SPACA7: variants seen among roughly 807,000 people sequenced by gnomAD.
SPACA7 encodes the protein sperm acrosome associated 7, also known as sperm acrosome-associated protein 7.
SPACA7 carries 19 observed loss-of-function variants against 26.3 expected under a neutral mutation model. The observed-to-expected ratio is 0.72, with a 90% CI of 0.50 to 1.06. The LOEUF (loss-of-function observed/expected upper bound fraction) is 1.06. Among genes scored for constraint, SPACA7 ranks in the 50% least tolerant of loss-of-function variants. The pLI is 0.00. For synonymous variants in SPACA7, 84 were observed against 84.5 expected, an observed-to-expected ratio of 0.99 and a Z score of 0.04; for missense variants, 211 against 229.9, an observed-to-expected ratio of 0.92 and a Z score of 0.53.
chr13:112,376,476 C>A lies in SPACA7; in HGVS notation c.91C>A (p.Pro31Thr), dbSNP rs373943042. The change falls in exon 1 of 7, where the codon CCA becomes ACA. Residue 31 changes from proline (P) to threonine (T), a missense_variant. Coordinates refer to ENST00000283550, the MANE Select transcript of SPACA7 (RefSeq NM_145248.5). ...ETELRPRTVIPGSPTEIPFSS... is the reference protein window; with the variant it reads ...ETELRPRTVITGSPTEIPFSS... ...TGAGCTCCGGCCGAGAACCGTGATT[C>A]CAGGTAGGGCCCCACAGGGATGTCT... is the stretch of plus-strand genomic sequence containing the variant. 2 of 1,612,298 alleles carry A rather than the reference C, an allele frequency of 1.2e-6. No homozygotes were observed. The highest frequency in any genetic ancestry group is 4.5e-5 in the East Asian group (2 of 44,778).
At chr13:112,384,116 G>GT (rs1227127077) in intron 1 of SPACA7, among the ~76,000 whole-genome samples, 36 of 152,172 alleles carry the variant, frequency 2.4e-4, no homozygotes, top group Admixed American at 1.8e-3. Context: ...TAAAGTTTGG[G>GT]TTTTTTCTTT....
intron 5 of SPACA7, among the ~76,000 whole-genome samples, chr13:112,416,200 A>G (rs1196427766): frequency 6.6e-6 from 1 of 151,920 alleles, no homozygotes; most frequent in Non-Finnish European, 1.5e-5. Context: ...TAGTTGTTCA[A>G]TTTTATGTTC....
chr13:112,383,555 A>T (rs1884344483), intron 1 of SPACA7, among the ~76,000 whole-genome samples: 3 of 152,200 alleles, frequency 2.0e-5, no homozygotes, highest in Non-Finnish European at 4.4e-5. Flanking sequence ...TTTAGATAAG[A>T]CTTTTTAAAA....
chr13:112,427,783 C>G (rs1876675467), intron 5 of SPACA7, among the ~76,000 whole-genome samples: 1 of 152,028 alleles, frequency 6.6e-6, no homozygotes, highest in South Asian at 2.1e-4. Flanking sequence ...TAATTTGGGT[C>G]CTTATGGGAA....
intron 2 of SPACA7, among the ~76,000 whole-genome samples, chr13:112,394,347 G>A (rs1458260674): frequency 6.6e-6 from 1 of 151,764 alleles, no homozygotes; most frequent in Non-Finnish European, 1.5e-5. Context: ...CCTGTGGAGT[G>A]GGGTCGGGGT....
In SPACA7 at chr13:112,434,604, A is replaced by G; in HGVS notation, c.*55A>G. On this transcript the variant is annotated 3_prime_UTR_variant, in exon 7 of 7. Coordinates refer to ENST00000283550, the MANE Select transcript of SPACA7 (RefSeq NM_145248.5). ...GAGGAGCCTGCTAGAACCCCCACCC[A>G]CCAGCCTCCGGAACAGGGCACTTGT... is the stretch of plus-strand genomic sequence containing the variant. The G allele has an allele frequency of 7.0e-7, 1 of 1,436,672 alleles. No individual in the cohort carries two copies. The highest frequency in any genetic ancestry group is 9.6e-7 in the Non-Finnish European group (1 of 1,041,046). The allele number at this position is 1,436,672 out of a possible 1,614,324, so 89.0% of individuals were successfully genotyped here.
At chr13:112,398,928 C>T (rs9549513) in intron 3 of SPACA7, 138 bp from the exon 4 acceptor site, 209,595 of 640,078 alleles carry the variant, frequency 0.33, 37,963 homozygotes, top group Non-Finnish European at 0.39. Flanking sequence ...CACTTACCAA[C>T]GCACATTTCC....
At chr13:112,395,004 G>A (rs1251423219) in intron 2 of SPACA7, among the ~76,000 whole-genome samples, 6 of 152,322 alleles carry the variant, frequency 3.9e-5, no homozygotes, top group Admixed American at 2.6e-4. Context: ...GGAGGTCAGC[G>A]AAGCCCACCC....
chr13:112,406,909 T>C (rs917551441), intron 5 of SPACA7, among the ~76,000 whole-genome samples: 4 of 151,900 alleles, frequency 2.6e-5, no homozygotes, highest in African/African-American at 9.7e-5. Context: ...ATCAACAGAA[T>C]ATACATTCTT....
chr13:112,409,775 A>G (rs1432970615), intron 5 of SPACA7, among the ~76,000 whole-genome samples: 2 of 152,242 alleles, frequency 1.3e-5, no homozygotes, highest in Admixed American at 1.3e-4. Context: ...TTGGGACTGT[A>G]AACTAGTTCA....
chr13:112,432,599 C>G, intron 6 of SPACA7, 78 bp downstream of exon 6: 4 of 1,150,450 alleles, frequency 3.5e-6, no homozygotes, highest in Non-Finnish European at 5.2e-6. Flanking sequence ...TGTCTCCGAG[C>G]AGCTCCAGGG....
intron 1 of SPACA7, among the ~76,000 whole-genome samples, chr13:112,380,878 G>A (rs994579093): frequency 3.3e-5 from 5 of 152,170 alleles, no homozygotes; most frequent in Non-Finnish European, 7.3e-5. Context: ...GAGAAAACTA[G>A]GAGTAGACAG....
chr13:112,401,646 C>G (rs1885650348), intron 5 of SPACA7, among the ~76,000 whole-genome samples: 1 of 152,158 alleles, frequency 6.6e-6, no homozygotes, highest in African/African-American at 2.4e-5. Context: ...TAGCTTTTGA[C>G]TTTCTGAGTT....
intron 6 of SPACA7, 76 bp downstream of exon 6, chr13:112,432,597 A>G (rs1877269646): frequency 8.6e-7 from 1 of 1,166,822 alleles, no homozygotes; most frequent in Non-Finnish European, 1.3e-6. Flanking sequence ...TGTGTCTCCG[A>G]GCAGCTCCAG....
At chr13:112,431,957 G>C (rs1402873378) in intron 5 of SPACA7, among the ~76,000 whole-genome samples, 1 of 152,160 alleles carries the variant, frequency 6.6e-6, no homozygotes, top group Non-Finnish European at 1.5e-5. Flanking sequence ...GAGCAGCGGG[G>C]ACCACACAGC....
At chr13:112,381,681 G>A (rs1031885794) in intron 1 of SPACA7, among the ~76,000 whole-genome samples, 16 of 152,246 alleles carry the variant, frequency 1.1e-4, no homozygotes, top group African/African-American at 3.9e-4. Flanking sequence ...CAGGCATTCG[G>A]GAAACAGAGT....
intron 5 of SPACA7, among the ~76,000 whole-genome samples, chr13:112,412,641 G>C (rs1209198858): frequency 1.3e-5 from 2 of 152,062 alleles, no homozygotes; most frequent in East Asian, 1.9e-4. Flanking sequence ...ATATGGGTGA[G>C]AGATAGGGGT....
chr13:112,400,225 A>C (rs1885548033), intron 4 of SPACA7, among the ~76,000 whole-genome samples: 1 of 152,252 alleles, frequency 6.6e-6, no homozygotes, highest in Non-Finnish European at 1.5e-5. Flanking sequence ...CCAATCCATT[A>C]CCCCAAAGAG....
At chr13:112,425,394 C>T (rs542545429) in intron 5 of SPACA7, among the ~76,000 whole-genome samples, 2 of 152,274 alleles carry the variant, frequency 1.3e-5, no homozygotes, top group East Asian at 3.9e-4. Context: ...ATGCCTTCTC[C>T]CTGGTAGTTA....
Sources: gnomAD v4.1 joint callset for allele counts (sites outside exome capture counted in the v4.1 genomes callset) on GRCh38, gnomAD v4.1.1 for gene constraint, MANE v1.5 for transcripts, NCBI Gene and HGNC (gene_info 2026-07-23, HGNC 2026-07-21) for gene names.